The following INO80D variants were observed in gnomAD, a reference collection of about 807,000 sequenced individuals.
The protein encoded by INO80D is INO80 complex subunit D.
A neutral mutation model predicts 87.6 loss-of-function variants in INO80D; 21 were observed. The ratio of observed to expected loss-of-function variants is 0.24; its 90% CI spans 0.17 to 0.35. The LOEUF is 0.35. INO80D is among the 10% of genes least tolerant of loss of function. The pLI, the probability that INO80D is intolerant of heterozygous loss-of-function variation, is 1.00. For missense variants in INO80D, 982 were observed against 1,280.7 expected (o/e 0.77, Z 3.56); for synonymous variants, 440 against 491.0 (o/e 0.90, Z 1.37).
chr2:206,064,383 C>T (rs1284527254), intron 1 of INO80D, among the ~76,000 whole-genome samples: 1 of 152,196 alleles, frequency 6.6e-6, no homozygotes, highest in Non-Finnish European at 1.5e-5. Flanking sequence ...CTCTTCCACA[C>T]TTCCAGCCAT....
chr2:206,057,053 C>T, intron 3 of INO80D, 110 bp from the exon 4 acceptor site: 1 of 1,066,956 alleles, frequency 9.4e-7, no homozygotes, highest in Non-Finnish European at 1.3e-6. Context: ...ACTATAGTGA[C>T]TCTTGGCAGC....
At chr2:206,073,574 T>A (rs181236177) in intron 1 of INO80D, among the ~76,000 whole-genome samples, 2 of 152,220 alleles carry the variant, frequency 1.3e-5, no homozygotes, top group African/African-American at 2.4e-5. Context: ...AGTGCAGTGG[T>A]ATGATTACGA....
At chr2:206,058,066 C>CTG (rs1457637489) in intron 3 of INO80D, among the ~76,000 whole-genome samples, 2 of 152,208 alleles carry the variant, frequency 1.3e-5, no homozygotes, top group Non-Finnish European at 2.9e-5. Context: ...GAATTTTCGT[C>CTG]TGTGTGGGCA....
chr2:206,029,879 C>A (rs1351032419), intron 5 of INO80D, among the ~76,000 whole-genome samples: 3 of 152,246 alleles, frequency 2.0e-5, no homozygotes, highest in Middle Eastern at 3.4e-3. Flanking sequence ...AAAACAGTAA[C>A]AAAAACAGTG....
chr2:206,064,477 A>G (rs1412325124), intron 1 of INO80D, among the ~76,000 whole-genome samples: 3 of 152,240 alleles, frequency 2.0e-5, no homozygotes, highest in African/African-American at 7.2e-5. Flanking sequence ...ATGACAAGAT[A>G]CATAAATGCT....
chr2:206,070,592 T>C (rs1021659303), intron 1 of INO80D, among the ~76,000 whole-genome samples: 3 of 152,026 alleles, frequency 2.0e-5, no homozygotes, highest in African/African-American at 7.3e-5. Context: ...TGGTGGCATG[T>C]GCCTATAGTC....
In INO80D at chr2:206,006,291, G is replaced by A. The variant is rs117144703; in HGVS notation, c.1919-758C>T. Among the ~76,000 whole-genome samples the A allele has an allele frequency of 8.0e-4, 122 of 152,278 alleles. 1 individual carries two copies. In the East Asian group the frequency reaches 0.023, roughly 28 times the overall value. Reference sequence around the variant, plus strand: ...AAAATATTTCCCCTGAAAGCATGGGGGAATTGGCAGGATTAAGCAAACTTC... The same window carrying A: ...AAAATATTTCCCCTGAAAGCATGGGAGAATTGGCAGGATTAAGCAAACTTC... On this transcript the variant is annotated intron_variant, in intron 10 of 10. Transcript: ENST00000403263.
chr2:206,049,273 ACTAT>A lies in INO80D; in HGVS notation c.965-2665_965-2662del, dbSNP rs1355769912. On this transcript the variant is annotated intron_variant, in intron 4 of 10. Coordinates refer to ENST00000403263, the MANE Select transcript of INO80D (RefSeq NM_017759.5). The stretch of plus-strand genomic sequence containing the variant: ...AAACTTCAAATCTAATTCTAAGATG[ACTAT>A]CTAAAATGTCAGGTCACCTTTAAAA... 3.9e-5 allele frequency among the ~76,000 whole-genome samples: 6 copies of A among 152,344 alleles called. No homozygotes were observed. The East Asian group carries it at 1.2e-3, about 29-fold the overall frequency.
chr2:206,022,264 G>A (rs551806955), intron 6 of INO80D, among the ~76,000 whole-genome samples: 1 of 152,028 alleles, frequency 6.6e-6, no homozygotes, highest in East Asian at 1.9e-4. Flanking sequence ...CTACTCGGGA[G>A]GCTGAGGTAG....
rs1690455120 is a variant in INO80D at position 206,085,904 on chromosome 2, T to A, written c.-127A>T. ...GCCTGGGGCCGCCTCTGCTTACCTT[T>A]CAGCTGCTTTTTTTTTTCTCCTTCC... On this transcript the variant is annotated 5_prime_UTR_variant, in exon 1 of 11. Transcript: ENST00000403263. This position sits in a 1 kb window ranked among gnomAD's most constrained non-coding sequence, Gnocchi z 4.5. 1 of 150,642 alleles carries A rather than the reference T, an allele frequency of 6.6e-6. No homozygotes were observed. Among genetic ancestry groups the A allele is most frequent in the South Asian group, 2.1e-4 (1 of 4,780 alleles). The allele number at this position is 150,642 out of a possible 1,614,324, so 9.3% of individuals were successfully genotyped here.
At chr2:206,017,480 G>A (rs1688349473) in intron 8 of INO80D, among the ~76,000 whole-genome samples, 200 bp downstream of exon 8, 1 of 152,120 alleles carries the variant, frequency 6.6e-6, no homozygotes, top group Non-Finnish European at 1.5e-5. Flanking sequence ...AGAGACATAG[G>A]AACAAAGAGA....
At chr2:206,047,020 C>T (rs1689213806) in intron 4 of INO80D, among the ~76,000 whole-genome samples, 1 of 152,102 alleles carries the variant, frequency 6.6e-6, no homozygotes, top group African/African-American at 2.4e-5. Context: ...ACCTCGTGAT[C>T]CACCCACCTC....
intron 5 of INO80D, among the ~76,000 whole-genome samples, chr2:206,045,526 G>C (rs979819022): frequency 1.3e-5 from 2 of 152,078 alleles, no homozygotes; most frequent in Non-Finnish European, 2.9e-5. Context: ...ATGCTAAAAG[G>C]AGTCTCCTAA....
In INO80D at chr2:206,041,509, A is replaced by C. The variant is rs1419291880; in HGVS notation, c.1073+4995T>G. On this transcript the variant is annotated intron_variant, in intron 5 of 10. Transcript: ENST00000403263. ...AATAAAAGGCCACTTCATCAAAACA[A>C]TCTTAAACAATTATGCATCTAATAA... is the stretch of plus-strand genomic sequence containing the variant. Among the ~76,000 whole-genome samples the C allele has an allele frequency of 2.6e-5, 4 of 152,354 alleles. No individual in the cohort carries two copies. The East Asian group carries it at 7.7e-4, about 29-fold the overall frequency.
chr2:206,043,056 G>T (rs975819872), intron 5 of INO80D, among the ~76,000 whole-genome samples: 1 of 152,218 alleles, frequency 6.6e-6, no homozygotes, highest in Non-Finnish European at 1.5e-5. Flanking sequence ...CACAAATTTG[G>T]TGGCCAGACA....
At chr2:206,071,468 T>G (rs1052092172) in intron 1 of INO80D, among the ~76,000 whole-genome samples, 5 of 143,846 alleles carry the variant, frequency 3.5e-5, no homozygotes, top group Non-Finnish European at 4.5e-5. Context: ...GTATTGACAT[T>G]TCTTTCTGCT....
chr2:206,059,396 CA>C (rs921328766), intron 3 of INO80D, among the ~76,000 whole-genome samples: 1 of 151,718 alleles, frequency 6.6e-6, no homozygotes, highest in Non-Finnish European at 1.5e-5. Context: ...ACAAAAAAAA[CA>C]AAAAAGAACA....
intron 9 of INO80D, 119 bp downstream of exon 9, chr2:206,009,458 T>C: frequency 1.3e-6 from 1 of 783,632 alleles, no homozygotes; most frequent in South Asian, 2.1e-5. Context: ...AAATCTAGGC[T>C]GATATACTAA....
Position 206,018,421 on chromosome 2 carries a change from T to C in INO80D, c.1409-608A>G, listed in dbSNP as rs542832012. 3.3e-4 allele frequency among the ~76,000 whole-genome samples: 50 copies of C among 152,288 alleles called. 2 individuals are homozygous for C. Among genetic ancestry groups the C allele is most frequent in the South Asian group, 8.3e-4 (4 of 4,826 alleles). On this transcript the variant is annotated intron_variant, in intron 7 of 10. Coordinates refer to ENST00000403263, the MANE Select transcript of INO80D (RefSeq NM_017759.5). ...TCAGCCTCCCAAAGCGTTGAGATTA[T>C]AGGCATAAGCCACTGCACCTGGCCA...
Sources: allele counts gnomAD v4.1 joint callset (sites outside exome capture counted in the v4.1 genomes callset), GRCh38; gene constraint gnomAD v4.1.1; non-coding constraint Gnocchi (gnomAD v3.1); transcripts MANE v1.5; gene names NCBI Gene and HGNC (gene_info 2026-07-23, HGNC 2026-07-21).